SLC6A13: variants seen among roughly 807,000 people sequenced by gnomAD.
SLC6A13 encodes solute carrier family 6 member 13, also known as sodium- and chloride-dependent GABA transporter 2.
Under a neutral mutation model 72.9 loss-of-function variants are expected in SLC6A13, and 69 were observed. That is an observed-to-expected ratio of 0.95 (90% CI 0.78 to 1.16). The LOEUF (loss-of-function observed/expected upper bound fraction) is 1.16. Among genes scored for constraint, SLC6A13 ranks in the 50% most tolerant of loss-of-function variants. SLC6A13 has a pLI of 0.00. For missense variants in SLC6A13, 735 were observed against 760.5 expected (o/e 0.97, Z 0.39); for synonymous variants, 303 against 303.0 (o/e 1.00, Z 0.00).
intron 7 of SLC6A13, among the ~76,000 whole-genome samples, chr12:234,479 CATTTT>C (rs199912896): frequency 8.2e-5 from 12 of 146,910 alleles, no homozygotes; most frequent in African/African-American, 1.2e-4. Context: ...TCCTTTATTT[CATTTT>C]ATTTTATTTT....
chr12:257,936 C>T (rs1942800661), intron 2 of SLC6A13, among the ~76,000 whole-genome samples: 1 of 152,190 alleles, frequency 6.6e-6, no homozygotes, highest in African/African-American at 2.4e-5. Flanking sequence ...AATCTCTCTG[C>T]CATGTGAGGA....
intron 9 of SLC6A13, among the ~76,000 whole-genome samples, chr12:226,076 G>C (rs1359011690): frequency 6.6e-6 from 1 of 152,186 alleles, no homozygotes; most frequent in Non-Finnish European, 1.5e-5. Flanking sequence ...GCATGTATAT[G>C]TCTGTATATA....
chr12:225,553 G>A (rs1191908481), intron 9 of SLC6A13, among the ~76,000 whole-genome samples: 1 of 152,118 alleles, frequency 6.6e-6, no homozygotes, highest in Non-Finnish European at 1.5e-5. Flanking sequence ...GGGAAGCTGA[G>A]GCATGAGAAT....
intron 2 of SLC6A13, among the ~76,000 whole-genome samples, chr12:248,388 C>T (rs1942427059): frequency 8.1e-6 from 1 of 124,138 alleles, no homozygotes. Context: ...TAGGCGACAG[C>T]AAGACTCCGT....
In SLC6A13 at chr12:258,850, GC is replaced by G; in HGVS notation, c.202+1000del. 3 of 877,948 alleles carry G rather than the reference GC, an allele frequency of 3.4e-6. No homozygotes were observed. The South Asian group carries it at 1.6e-4, about 46-fold the overall frequency. 54.4% of individuals were successfully genotyped at this position (877,948 alleles called of 1,614,324 possible). A position where few individuals can be genotyped will look rare whatever the true frequency, so the allele number is the denominator to read the frequency against. On this transcript the variant is annotated intron_variant, in intron 2 of 14. Transcript: ENST00000343164. ...CCCCCTACAACATGCACACATTTGT[GC>G]TGCGAAATTTTTAAAAAGAGAGCCT...
chr12:255,329 T>A (rs903969343), intron 2 of SLC6A13, among the ~76,000 whole-genome samples: 5 of 152,232 alleles, frequency 3.3e-5, no homozygotes, highest in Admixed American at 6.5e-5. Context: ...TTTTGCCTTA[T>A]AACCAGTCAG....
At chr12:246,133 A>AAATAAATG (rs1471261234) in intron 2 of SLC6A13, among the ~76,000 whole-genome samples, 16 of 10,122 alleles carry the variant, frequency 1.6e-3, no homozygotes, top group Non-Finnish European at 2.6e-3. Flanking sequence ...ATAAAAGTAA[A>AAATAAATG]AATAAATAAA....
chr12:238,088 A>G (rs1007902699), intron 4 of SLC6A13, 78 bp from the exon 5 acceptor site: 3 of 1,584,988 alleles, frequency 1.9e-6, no homozygotes, highest in African/African-American at 2.7e-5. Flanking sequence ...GTGGGGTGAA[A>G]TTCTAGGAGA....
At chr12:225,065 C>T (rs918561431) in intron 9 of SLC6A13, among the ~76,000 whole-genome samples, 1 of 152,276 alleles carries the variant, frequency 6.6e-6, no homozygotes, top group East Asian at 1.9e-4. Context: ...AATGACTACA[C>T]TGGCACTGGT....
chr12:231,595 C>G (rs1941712147), intron 7 of SLC6A13, among the ~76,000 whole-genome samples: 1 of 152,170 alleles, frequency 6.6e-6, no homozygotes, highest in Non-Finnish European at 1.5e-5. Context: ...TGAGCCATCC[C>G]CCTCCCCACA....
At chr12:242,195 C>T (rs367717175) in intron 4 of SLC6A13, among the ~76,000 whole-genome samples, 11 of 152,266 alleles carry the variant, frequency 7.2e-5, no homozygotes, top group East Asian at 5.8e-4. Context: ...CTGAACTGTG[C>T]GGGTCCACTT....
intron 2 of SLC6A13, among the ~76,000 whole-genome samples, chr12:244,883 G>A (rs11062125): frequency 3.9e-5 from 6 of 152,144 alleles, no homozygotes; most frequent in African/African-American, 1.2e-4. Flanking sequence ...CAGGTGTTCT[G>A]TTGTAGCAAC....
chr12:235,992 G>A (rs1941916947), intron 6 of SLC6A13, among the ~76,000 whole-genome samples: 1 of 152,152 alleles, frequency 6.6e-6, no homozygotes, highest in African/African-American at 2.4e-5. Context: ...TCTGTGGTCA[G>A]ACCAGTTCTC....
intron 2 of SLC6A13, chr12:253,591 C>G (rs530312740): frequency 2.0e-5 from 3 of 152,406 alleles, no homozygotes; most frequent in Admixed American, 2.0e-4. Flanking sequence ...CCAGGCCCTT[C>G]TGAGAGGTCC....
chr12:228,820 C>T (rs1357009648), intron 7 of SLC6A13, among the ~76,000 whole-genome samples: 1 of 152,200 alleles, frequency 6.6e-6, no homozygotes, highest in African/African-American at 2.4e-5. Flanking sequence ...CCAGCATCCC[C>T]AGTCAAGACA....
At position 242,502 on chromosome 12, in the gene SLC6A13, A is replaced by C. The variant is rs528982100; in HGVS notation, c.478+112T>G. On this transcript the variant is annotated intron_variant, in intron 4 of 14. Coordinates refer to ENST00000343164, the MANE Select transcript of SLC6A13 (RefSeq NM_016615.5). Reference sequence around the variant, plus strand: ...TCTTGACATAAGCTCTCCATGGTCGACTTGGGTGATTTCTGGTGTGTCCGT... The same window carrying C: ...TCTTGACATAAGCTCTCCATGGTCGCCTTGGGTGATTTCTGGTGTGTCCGT... 1.5e-4 allele frequency: 132 copies of C among 857,492 alleles called. No individual in the cohort carries two copies. In the African/African-American group the frequency reaches 2.0e-3, roughly 13 times the overall value. 53.1% of individuals were successfully genotyped at this position (857,492 alleles called of 1,614,324 possible).
At chr12:245,723 G>A (rs777346552) in intron 2 of SLC6A13, among the ~76,000 whole-genome samples, 25 of 152,100 alleles carry the variant, frequency 1.6e-4, no homozygotes, top group Non-Finnish European at 2.6e-4. Flanking sequence ...GGTGGATTAC[G>A]CCTGTAATCC....
At chr12:248,847 A>G (rs1942446557) in intron 2 of SLC6A13, among the ~76,000 whole-genome samples, 1 of 152,226 alleles carries the variant, frequency 6.6e-6, no homozygotes, top group African/African-American at 2.4e-5. Flanking sequence ...TTAGTTTCAA[A>G]TGAACATGGA....
In SLC6A13 at chr12:254,191, C is replaced by A. The variant is rs10848639; in HGVS notation, c.202+5660G>T. On this transcript the variant is annotated intron_variant, in intron 2 of 14. Transcript: ENST00000343164. The surrounding 1 kb of genome is among the most constrained non-coding windows in gnomAD (Gnocchi z 4.4). ...AGTTCAAATGTCAAGCTTCTTCAGCCGCCTCGCCAGCTCAGGGCCCCACCC... is the reference window on the plus strand; with the variant it reads ...AGTTCAAATGTCAAGCTTCTTCAGCAGCCTCGCCAGCTCAGGGCCCCACCC... Among the ~76,000 whole-genome samples, 10,087 of 152,270 alleles carry A rather than the reference C, an allele frequency of 0.066. 471 individuals carry two copies. The highest frequency in any genetic ancestry group is 0.095 in the Non-Finnish European group (6,487 of 68,008).
Sources: allele counts gnomAD v4.1 joint callset (sites outside exome capture counted in the v4.1 genomes callset), GRCh38; gene constraint gnomAD v4.1.1; non-coding constraint Gnocchi (gnomAD v3.1); transcripts MANE v1.5; gene names NCBI Gene and HGNC (gene_info 2026-07-23, HGNC 2026-07-21).